RAG1: variants seen among roughly 807,000 people sequenced by gnomAD.
RAG1 encodes V(D)J recombination-activating protein 1.
RAG1 carries 35 observed loss-of-function variants against 62.7 expected under a neutral mutation model. That is an observed-to-expected ratio of 0.56 (90% CI 0.43 to 0.74). The LOEUF is 0.74. Ranked by LOEUF, RAG1 falls within the 30% of genes least tolerant of loss-of-function variation. The pLI, the probability that RAG1 is intolerant of heterozygous loss-of-function variation, is 0.00. For synonymous variants in RAG1, 461 were observed against 470.3 expected (o/e 0.98, Z 0.26); for missense variants, 1,169 against 1,278.6 (o/e 0.91, Z 1.31).
intron 1 of RAG1, among the ~76,000 whole-genome samples, chr11:36,512,936 T>C (rs550907317): frequency 1.8e-4 from 27 of 152,340 alleles, no homozygotes; most frequent in African/African-American, 6.5e-4. Context: ...CTAAATTTCA[T>C]GCGTTGGAAA....
chr11:36,572,597 C>A (rs4151022), intron 1 of RAG1, among the ~76,000 whole-genome samples: 1 of 152,244 alleles, frequency 6.6e-6, no homozygotes, highest in South Asian at 2.1e-4. Context: ...TTTAGAGTTC[C>A]GTGTTTTTTG....
At chr11:36,523,509 G>A (rs931869951) in intron 2 of RAG1, among the ~76,000 whole-genome samples, 2 of 152,146 alleles carry the variant, frequency 1.3e-5, no homozygotes, top group African/African-American at 4.8e-5. Context: ...TATTAGCAGT[G>A]TGAAATGGGC....
At chr11:36,559,533 T>C (rs1240928906) in intron 3 of RAG1, among the ~76,000 whole-genome samples, 1 of 152,178 alleles carries the variant, frequency 6.6e-6, no homozygotes, top group African/African-American at 2.4e-5. Context: ...ATAAAGTCCA[T>C]AGGCTTTCTT....
At position 36,575,860 on chromosome 11, in the gene RAG1, G is replaced by A. The variant is rs1850840698; in HGVS notation, c.2556G>A (p.Met852Ile). Residue 852 changes from methionine to isoleucine, a missense_variant, in exon 2 of 2, where the codon ATG becomes ATA. Coordinates refer to ENST00000299440, the MANE Select transcript of RAG1 (RefSeq NM_000448.3). The surrounding 1 kb of genome is among the most constrained non-coding windows in gnomAD (Gnocchi z 4.1). ...KKMNLKPIMRMNGNFARKLMT... is the reference protein window; with the variant it reads ...KKMNLKPIMRINGNFARKLMT... ...TGAACCTCAAACCAATCATGAGGATGAATGGCAACTTTGCCAGGAAGCTCA... is the reference window on the plus strand; with the variant it reads ...TGAACCTCAAACCAATCATGAGGATAAATGGCAACTTTGCCAGGAAGCTCA... 1.2e-6 allele frequency: 2 copies of A among 1,614,098 alleles called. No homozygotes were observed. Among genetic ancestry groups the A allele is most frequent in the African/African-American group, 1.3e-5 (1 of 74,944 alleles).
At position 36,574,763 on chromosome 11, in the gene RAG1, A is replaced by G. The variant is rs112047157; in HGVS notation, c.1459A>G (p.Met487Val). The change falls in exon 2 of 2, where the codon ATG becomes GTG. Residue 487 changes from methionine to valine, a missense_variant. By Grantham distance (21) the Met-to-Val change is conservative (BLOSUM62 1). Transcript: ENST00000299440. Reference protein sequence around the residue: ...TFLSCSQYHKMYRTVKAITGR... With the variant: ...TFLSCSQYHKVYRTVKAITGR... ...CCTCAGCTGCAGTCAGTACCACAAG[A>G]TGTACAGGACTGTGAAAGCCATCAC... 6.2e-7 allele frequency: 1 copy of G among 1,614,230 alleles called. No homozygotes were observed. The highest frequency in any genetic ancestry group is 1.1e-5 in the South Asian group (1 of 91,086).
rs1564988085 is a variant in RAG1, at chr11:36,573,581, GACA to G, written c.280_282del (p.Asn94del). On this transcript the variant is annotated inframe_deletion, in exon 2 of 2. Transcript: ENST00000299440. ...CCCTAAGTTTTCAAAGAAATTTCAC[GACA>G]ACGAGAAAGCAAGAGGCAAAGCGAT... The G allele has an allele frequency of 6.2e-7, 1 of 1,613,978 alleles. No homozygotes were observed. The highest frequency in any genetic ancestry group is 2.2e-5 in the East Asian group (1 of 44,898).
chr11:36,535,747 A>G (rs143313753), intron 2 of RAG1, among the ~76,000 whole-genome samples: 15,259 of 152,008 alleles, frequency 0.1, 826 homozygotes, highest in Non-Finnish European at 0.11. Flanking sequence ...TCCCTCTCAA[A>G]TAAATAAATA....
chr11:36,563,306 G>A (rs1850617011), upstream of RAG1: 1 of 152,166 alleles, frequency 6.6e-6, no homozygotes, highest in Non-Finnish European at 1.5e-5. Flanking sequence ...TGTGTTTAAG[G>A]CCCAGATAGA....
intron 3 of RAG1, among the ~76,000 whole-genome samples, chr11:36,543,394 G>T (rs1850341095): frequency 6.6e-6 from 1 of 152,212 alleles, no homozygotes; most frequent in African/African-American, 2.4e-5. Context: ...TACTGCCTCT[G>T]CTGCTGCCAG....
chr11:36,525,200 A>C (rs1860141794), intron 2 of RAG1, among the ~76,000 whole-genome samples: 1 of 152,120 alleles, frequency 6.6e-6, no homozygotes, highest in African/African-American at 2.4e-5. Flanking sequence ...TTGTCAAAAA[A>C]ATTGGCTGTA....
At chr11:36,529,578 C>T (rs1022956915) in intron 2 of RAG1, among the ~76,000 whole-genome samples, 2 of 152,094 alleles carry the variant, frequency 1.3e-5, no homozygotes, top group East Asian at 1.9e-4. Context: ...CTTTGAAAAC[C>T]GGCACAAGAC....
chr11:36,534,518 C>T (rs1860298560), intron 2 of RAG1, among the ~76,000 whole-genome samples: 1 of 152,170 alleles, frequency 6.6e-6, no homozygotes, highest in African/African-American at 2.4e-5. Flanking sequence ...TTAGGATGTA[C>T]AATTTGCCAT....
At chr11:36,545,236 T>C (rs773968433) in intron 3 of RAG1, among the ~76,000 whole-genome samples, 3 of 152,156 alleles carry the variant, frequency 2.0e-5, no homozygotes, top group Non-Finnish European at 4.4e-5. Context: ...AGTGAGTGCA[T>C]GGGCTGAATT....
intron 2 of RAG1, among the ~76,000 whole-genome samples, chr11:36,532,514 C>G (rs1017767447): frequency 6.6e-6 from 1 of 152,156 alleles, no homozygotes; most frequent in African/African-American, 2.4e-5. Flanking sequence ...AAATTTGTCT[C>G]TAGTACAGAA....
chr11:36,570,767 G>T (rs766002225), intron 1 of RAG1, among the ~76,000 whole-genome samples: 2 of 152,162 alleles, frequency 1.3e-5, no homozygotes, highest in Non-Finnish European at 2.9e-5. Context: ...TTTCTCTGAT[G>T]ATCAGTGGTG....
intron 2 of RAG1, chr11:36,520,376 C>T (rs1860059989): frequency 6.6e-6 from 1 of 152,202 alleles, no homozygotes; most frequent in Non-Finnish European, 1.5e-5. Context: ...TCAAGTGATT[C>T]TCCCGTCTCA....
downstream of RAG1, among the ~76,000 whole-genome samples, chr11:36,537,162 G>T (rs1860343629): frequency 6.6e-6 from 1 of 152,080 alleles, no homozygotes; most frequent in Non-Finnish European, 1.5e-5. Flanking sequence ...TATACCTGTT[G>T]AGCCTCAGTT....
chr11:36,516,564 C>A (rs539064128), intron 1 of RAG1, among the ~76,000 whole-genome samples: 1 of 152,348 alleles, frequency 6.6e-6, no homozygotes, highest in African/African-American at 2.4e-5. Context: ...CCTCGTGATC[C>A]ACCTGCCTCG....
chr11:36,569,052 A>G (rs1369040341), intron 1 of RAG1, among the ~76,000 whole-genome samples: 6 of 152,188 alleles, frequency 3.9e-5, no homozygotes, highest in Non-Finnish European at 5.9e-5. Context: ...TAAGTTGAAG[A>G]TGTTAGGAGG....
Sources: gnomAD v4.1 joint callset for allele counts (sites outside exome capture counted in the v4.1 genomes callset) on GRCh38, gnomAD v4.1.1 for gene constraint, Gnocchi (gnomAD v3.1) non-coding constraint, MANE v1.5 for transcripts, NCBI Gene and HGNC (gene_info 2026-07-23, HGNC 2026-07-21) for gene names.